KMT2A: variants seen among roughly 807,000 people sequenced by gnomAD.
KMT2A encodes the protein lysine methyltransferase 2A, also known as histone-lysine N-methyltransferase 2A.
In KMT2A, 16 loss-of-function variants were observed where a neutral mutation model predicts 345.3. That is an observed-to-expected ratio of 0.05 (90% CI 0.03 to 0.07). The LOEUF is 0.07. KMT2A is among the 10% of genes least tolerant of loss of function. The probability of loss-of-function intolerance (pLI) is 1.00; values close to 1 mark genes in which losing one functional copy is unlikely to be tolerated. For synonymous variants in KMT2A, 1,599 were observed against 1,778.6 expected, an observed-to-expected ratio of 0.90 and a Z score of 2.54; for missense variants, 3,272 against 4,841.6, an observed-to-expected ratio of 0.68 and a Z score of 9.62.
chr11:118,443,652 T>C (rs1184631820), intron 1 of KMT2A, among the ~76,000 whole-genome samples: 3 of 152,182 alleles, frequency 2.0e-5, no homozygotes, highest in Non-Finnish European at 4.4e-5. Flanking sequence ...ACAACAAAGA[T>C]ATAAGAGTTA....
In KMT2A at chr11:118,446,019, A is replaced by G. The variant is rs187324386; in HGVS notation, c.432+9075A>G. Among the ~76,000 whole-genome samples the G allele has an allele frequency of 5.7e-3, 868 of 152,228 alleles. 8 individuals are homozygous for G. Among genetic ancestry groups the G allele is most frequent in the African/African-American group, 0.02 (830 of 41,508 alleles). On this transcript the variant is annotated intron_variant, in intron 1 of 35. Transcript: ENST00000534358. ...ACTCTGTCTCCAAAAAAAAGAAAGA[A>G]AAAAAGAAAAGTACAGTTTTGCTGT...
At chr11:118,471,020 G>A (rs1165606772) in intron 2 of KMT2A, among the ~76,000 whole-genome samples, 1 of 152,180 alleles carries the variant, frequency 6.6e-6, no homozygotes, top group Non-Finnish European at 1.5e-5. Flanking sequence ...AGATTTAGTG[G>A]ACACATTATG....
intron 24 of KMT2A, chr11:118,500,663 G>A (rs1297594843): frequency 5.5e-6 from 1 of 183,130 alleles, no homozygotes; most frequent in Non-Finnish European, 1.1e-5. Flanking sequence ...GCAATAGTTC[G>A]GTCCTGAAGG....
chr11:118,449,554 C>T (rs1231133882), intron 1 of KMT2A: 3 of 147,968 alleles, frequency 2.0e-5, no homozygotes, highest in Non-Finnish European at 3.0e-5. Flanking sequence ...ACACTGCACT[C>T]CAGCCTGGGC....
Position 118,481,951 on chromosome 11 carries a change from T to C in KMT2A, c.3871T>C (p.Ser1291Pro). 1 of 1,614,088 alleles carries C rather than the reference T, an allele frequency of 6.2e-7. No homozygotes were observed. The highest frequency in any genetic ancestry group is 8.5e-7 in the Non-Finnish European group (1 of 1,180,016). ...ATCCAAACAGGCCACCACTCCAGCT[T>C]CCAGGAAGTCAAGCAAGCAGGTCTC... ...PESKQATTPA[S>P]RKSSKQVSQP... is the part of the protein sequence containing the mutation. Residue 1291 changes from serine to proline, a missense_variant, in exon 7 of 36, where the codon TCC (serine) becomes CCC (proline). By Grantham distance (74) the Ser-to-Pro change is moderately conservative. Transcript: ENST00000534358.
chr11:118,462,625 C>G lies in KMT2A; in HGVS notation c.433-6150C>G, dbSNP rs573280197. ...CCAGGCTGGAGTGCAGTGGTGCGAT[C>G]TCGGCTCACTGCAGGCTCCGCCTCC... On this transcript the variant is annotated intron_variant, in intron 1 of 35. Transcript: ENST00000534358. Among the ~76,000 whole-genome samples the G allele has an allele frequency of 9.2e-5, 14 of 152,234 alleles. No homozygotes were observed. In the East Asian group the frequency reaches 2.7e-3, roughly 29 times the overall value.
chr11:118,520,108 C>G lies in KMT2A; in HGVS notation c.11429+44C>G, dbSNP rs1555053038. ...GCAGTCATTAGAAACTGCTTTCCCTCTCCTCCAGCTGGTCAGGGCACTACG... is the reference window on the plus strand; with the variant it reads ...GCAGTCATTAGAAACTGCTTTCCCTGTCCTCCAGCTGGTCAGGGCACTACG... On this transcript the variant is annotated intron_variant, in intron 33 of 35. Coordinates refer to ENST00000534358, the MANE Select transcript of KMT2A (RefSeq NM_001197104.2). The surrounding 1 kb of genome is among the most constrained non-coding windows in gnomAD (Gnocchi z 4.3). 7.8e-7 allele frequency: 1 copy of G among 1,278,568 alleles called. No individual in the cohort carries two copies. The allele number at this position is 1,278,568 out of a possible 1,614,324, so 79.2% of individuals were successfully genotyped here.
intron 10 of KMT2A, among the ~76,000 whole-genome samples, chr11:118,486,907 T>A (rs549877223): frequency 2.0e-5 from 3 of 152,094 alleles, no homozygotes; most frequent in South Asian, 2.1e-4. Flanking sequence ...TTTAAAAATT[T>A]AAAAAATAAG....
intron 30 of KMT2A, among the ~76,000 whole-genome samples, chr11:118,511,695 A>G (rs927078536): frequency 1.3e-5 from 2 of 152,216 alleles, no homozygotes; most frequent in Non-Finnish European, 2.9e-5. Context: ...TTCAGAGTTC[A>G]TTTCAGAAGG....
chr11:118,465,522 T>C (rs1297005889), intron 1 of KMT2A, among the ~76,000 whole-genome samples: 1 of 152,212 alleles, frequency 6.6e-6, no homozygotes, highest in Non-Finnish European at 1.5e-5. Context: ...ACATAAATTA[T>C]TTATTCCTTA....
intron 31 of KMT2A, among the ~76,000 whole-genome samples, chr11:118,516,086 C>T (rs58201978): frequency 1.4e-3 from 214 of 152,262 alleles, no homozygotes; most frequent in African/African-American, 4.7e-3. Flanking sequence ...CACAATGACC[C>T]TTGTGTTCCC....
In KMT2A at chr11:118,505,314, G is replaced by T; in HGVS notation, c.9422G>T (p.Ser3141Ile). The T allele has an allele frequency of 6.2e-7, 1 of 1,614,170 alleles. No individual in the cohort carries two copies. The highest frequency in any genetic ancestry group is 8.5e-7 in the Non-Finnish European group (1 of 1,180,032). Residue 3141 changes from serine to isoleucine, a missense_variant, in exon 27 of 36, where the codon AGC (serine) becomes ATC (isoleucine). By Grantham distance (142) the Ser-to-Ile change is moderately radical. Transcript: ENST00000534358. The surrounding 1 kb of genome is among the most constrained non-coding windows in gnomAD (Gnocchi z 4.6). ...ACCCTTACCACAGGACTAAATCCAA[G>T]CTTGCCAACTTCTCAATCTTTGTTC... is the stretch of plus-strand genomic sequence containing the variant. The part of the protein sequence containing the change: ...GLTLTTGLNP[S>I]LPTSQSLFPS...
At chr11:118,453,944 G>A (rs1949590764) in intron 1 of KMT2A, among the ~76,000 whole-genome samples, 1 of 151,958 alleles carries the variant, frequency 6.6e-6, no homozygotes, top group Non-Finnish European at 1.5e-5. Flanking sequence ...AAATCCAGTT[G>A]CTCAGGCCTA....
intron 5 of KMT2A, among the ~76,000 whole-genome samples, chr11:118,479,109 CTCT>C: frequency 6.6e-6 from 1 of 152,174 alleles, no homozygotes; most frequent in East Asian, 1.9e-4. Context: ...TCCAATTATA[CTCT>C]TTCAGTCATT....
At position 118,472,900 on chromosome 11, in the gene KMT2A, C is replaced by G. The variant is rs1555036160; in HGVS notation, c.1741C>G (p.His581Asp). The change falls in exon 3 of 36, where the codon CAC (histidine) becomes GAC (aspartate). Residue 581 changes from histidine (H) to aspartate (D), a missense_variant. Physicochemically the swap from His to Asp is moderately conservative, Grantham distance 81. Transcript: ENST00000534358. ...PLQPASSISDHTPWLMPPTIP... is the reference protein window; with the variant it reads ...PLQPASSISDDTPWLMPPTIP... ...GCAGCCAGCCTCCAGTATCTCTGAC[C>G]ACACACCTTGGCTTATGCCTCCAAC... 1.9e-6 allele frequency: 3 copies of G among 1,613,966 alleles called. No individual in the cohort carries two copies. The highest frequency in any genetic ancestry group is 2.5e-6 in the Non-Finnish European group (3 of 1,179,974).
chr11:118,473,729 A>T lies in KMT2A; in HGVS notation c.2570A>T (p.Glu857Val), dbSNP rs1555036635. ...RGRNKDKAPEELSKDRDADKS... is the reference protein window; with the variant it reads ...RGRNKDKAPEVLSKDRDADKS... The stretch of plus-strand genomic sequence containing the variant: ...AGAAATAAAGACAAGGCCCCCGAGG[A>T]GCTGTCCAAAGATCGAGATGCTGAC... The change falls in exon 3 of 36, where the codon GAG becomes GTG. Residue 857 changes from glutamate to valine, a missense_variant. This residue lies in a region of KMT2A where 209 missense variants were observed against 237.4 expected (regional missense o/e 0.88). Coordinates refer to ENST00000534358, the MANE Select transcript of KMT2A (RefSeq NM_001197104.2). This position sits in a 1 kb window ranked among gnomAD's most constrained non-coding sequence, Gnocchi z 5.2. 1.2e-6 allele frequency: 2 copies of T among 1,614,128 alleles called. No individual in the cohort carries two copies. The highest frequency in any genetic ancestry group is 1.1e-5 in the South Asian group (1 of 91,080).
Position 118,520,650 on chromosome 11 carries a change from CA to C in KMT2A, c.11430-142del, listed in dbSNP as rs372761509. 3,907 of 507,518 alleles carry C rather than the reference CA, an allele frequency of 7.7e-3. No homozygotes were observed. Among genetic ancestry groups the C allele is most frequent in the South Asian group, 0.016 (581 of 35,994 alleles). 31.4% of individuals were successfully genotyped at this position (507,518 alleles called of 1,614,324 possible). On this transcript the variant is annotated intron_variant, in intron 33 of 35. Transcript: ENST00000534358. The surrounding 1 kb of genome is among the most constrained non-coding windows in gnomAD (Gnocchi z 4.3). ...TGGGCGACAGAGCGAAACTCCATCT[CA>C]AAAAAAAAAGGGGGGCGCTCATTTT...
chr11:118,513,937 CAAAAAAAAA>C (rs1178939991), intron 31 of KMT2A, among the ~76,000 whole-genome samples: 1 of 47,354 alleles, frequency 2.1e-5, no homozygotes, highest in African/African-American at 8.4e-5. Context: ...GACCCTGTCT[CAAAAAAAAA>C]AAAAAAAAAA....
intron 1 of KMT2A, chr11:118,449,479 A>C (rs2134193023): frequency 6.6e-6 from 1 of 150,822 alleles, no homozygotes; most frequent in Admixed American, 6.6e-5. Flanking sequence ...CCAGCTACTC[A>C]GGAAGCTGTG....
Sources: allele counts gnomAD v4.1 joint callset (sites outside exome capture counted in the v4.1 genomes callset), GRCh38; gene constraint gnomAD v4.1.1; regional missense constraint gnomAD v4.1.1; non-coding constraint Gnocchi (gnomAD v3.1); transcripts MANE v1.5; gene names NCBI Gene and HGNC (gene_info 2026-07-23, HGNC 2026-07-21).